CAMKMT: variants seen among roughly 807,000 people sequenced by gnomAD.
CAMKMT encodes the protein CaM KMT.
A neutral mutation model predicts 48.0 loss-of-function variants in CAMKMT; 53 were observed. The observed-to-expected ratio is 1.10, with a 90% CI of 0.89 to 1.39. The LOEUF is 1.39. Among genes scored for constraint, CAMKMT ranks in the 40% most tolerant of loss-of-function variants. The pLI is 0.00. For synonymous variants in CAMKMT, 165 were observed against 152.3 expected (o/e 1.08, Z -0.61); for missense variants, 428 against 402.7 (o/e 1.06, Z -0.54).
At chr2:44,516,512 A>G (rs1362003788) in intron 3 of CAMKMT, among the ~76,000 whole-genome samples, 2 of 152,022 alleles carry the variant, frequency 1.3e-5, no homozygotes, top group African/African-American at 4.8e-5. Context: ...CTCTCTAAAT[A>G]TATTTAGGAT....
At chr2:44,399,734 A>T (rs895175391) in intron 3 of CAMKMT, among the ~76,000 whole-genome samples, 1 of 152,108 alleles carries the variant, frequency 6.6e-6, no homozygotes, top group East Asian at 1.9e-4. Flanking sequence ...AGAATTGAGG[A>T]AGACGGCTGT....
chr2:44,604,628 T>C (rs1043131722), intron 3 of CAMKMT, among the ~76,000 whole-genome samples: 20 of 150,496 alleles, frequency 1.3e-4, no homozygotes, highest in East Asian at 1.9e-4. Flanking sequence ...CATAGTAAAA[T>C]AGTTACAATG....
chr2:44,433,505 A>G (rs904074460), intron 3 of CAMKMT, among the ~76,000 whole-genome samples: 1 of 152,202 alleles, frequency 6.6e-6, no homozygotes, highest in African/African-American at 2.4e-5. Context: ...GTTTCTTATA[A>G]GAAAAATGGA....
At chr2:44,771,711 A>G (rs1225779079) in intron 10 of CAMKMT, among the ~76,000 whole-genome samples, 1 of 152,142 alleles carries the variant, frequency 6.6e-6, no homozygotes, top group African/African-American at 2.4e-5. Context: ...AGAAACTTCT[A>G]TGTCAAATGC....
chr2:44,686,921 C>G (rs1676369930), intron 3 of CAMKMT, among the ~76,000 whole-genome samples: 1 of 152,208 alleles, frequency 6.6e-6, no homozygotes, highest in Non-Finnish European at 1.5e-5. Context: ...CCAAAACATA[C>G]TGTATCACAT....
chr2:44,468,622 A>G (rs1668252731), intron 3 of CAMKMT, among the ~76,000 whole-genome samples: 1 of 152,180 alleles, frequency 6.6e-6, no homozygotes, highest in Non-Finnish European at 1.5e-5. Context: ...AGATGGATAG[A>G]TAAAGAAAAT....
chr2:44,542,725 T>C (rs1394880340), intron 3 of CAMKMT, among the ~76,000 whole-genome samples: 2 of 152,082 alleles, frequency 1.3e-5, no homozygotes, highest in African/African-American at 4.8e-5. Context: ...AGAACCACTG[T>C]CAGGCCTAGA....
At chr2:44,601,485 TAATA>T (rs989394641) in intron 3 of CAMKMT, among the ~76,000 whole-genome samples, 1 of 151,756 alleles carries the variant, frequency 6.6e-6, no homozygotes. Context: ...AATAAATAAA[TAATA>T]AATAACAAAA....
At chr2:44,740,460 A>C (rs146874744) in intron 7 of CAMKMT, among the ~76,000 whole-genome samples, 17 of 152,288 alleles carry the variant, frequency 1.1e-4, no homozygotes, top group African/African-American at 3.6e-4. Flanking sequence ...GTAAAGCAAG[A>C]AGCAGGGTCA....
chr2:44,736,414 C>T (rs1219298609), intron 7 of CAMKMT, among the ~76,000 whole-genome samples: 1 of 152,126 alleles, frequency 6.6e-6, no homozygotes, highest in Non-Finnish European at 1.5e-5. Flanking sequence ...TTATATAAAA[C>T]ATCTTTTTCC....
chr2:44,363,801 C>G (rs941447908), intron 1 of CAMKMT, among the ~76,000 whole-genome samples: 22 of 151,452 alleles, frequency 1.5e-4, no homozygotes, highest in African/African-American at 4.4e-4. Context: ...GCAATTCTCC[C>G]GTACTCAGCC....
At chr2:44,514,617 T>C (rs72879358) in intron 3 of CAMKMT, among the ~76,000 whole-genome samples, 2,150 of 152,300 alleles carry the variant, frequency 0.014, 37 homozygotes, top group African/African-American at 0.043. Flanking sequence ...GGAAGAACTA[T>C]TGAGATTGTA....
chr2:44,459,343 CA>C (rs1479027191), intron 3 of CAMKMT, among the ~76,000 whole-genome samples: 3 of 152,160 alleles, frequency 2.0e-5, no homozygotes, highest in Non-Finnish European at 4.4e-5. Context: ...GGTTTATACA[CA>C]CATTAAATCC....
At chr2:44,563,719 C>T (rs1031710512) in intron 3 of CAMKMT, among the ~76,000 whole-genome samples, 5 of 151,946 alleles carry the variant, frequency 3.3e-5, no homozygotes, top group African/African-American at 4.8e-5. Flanking sequence ...TGAGAACATG[C>T]GGTGTTTGGT....
intron 3 of CAMKMT, among the ~76,000 whole-genome samples, chr2:44,686,390 C>G (rs1341043941): frequency 8.2e-6 from 1 of 121,790 alleles, no homozygotes; most frequent in Non-Finnish European, 1.7e-5. Flanking sequence ...GAGACTCTGC[C>G]TCAAAAAAAA....
intron 3 of CAMKMT, among the ~76,000 whole-genome samples, chr2:44,449,558 G>A (rs1297662077): frequency 2.0e-5 from 3 of 151,816 alleles, no homozygotes; most frequent in Non-Finnish European, 4.4e-5. Context: ...CTTTTATCAT[G>A]TCATATCATA....
At position 44,632,546 on chromosome 2, in the gene CAMKMT, C is replaced by T. The variant is rs1246381910; in HGVS notation, c.377-71737C>T. The stretch of plus-strand genomic sequence containing the variant: ...AGTCACTTTTTTTGTGTGACAAGAG[C>T]AACTAAAATCCTACATATCTAACAA... On this transcript the variant is annotated intron_variant, in intron 3 of 10. Transcript: ENST00000378494. 4.6e-5 allele frequency among the ~76,000 whole-genome samples: 7 copies of T among 152,084 alleles called. No homozygotes were observed. In the East Asian group the frequency reaches 1.3e-3, roughly 29 times the overall value.
chr2:44,581,163 T>A (rs931290263), intron 3 of CAMKMT, among the ~76,000 whole-genome samples: 3 of 152,212 alleles, frequency 2.0e-5, no homozygotes, highest in African/African-American at 7.2e-5. Context: ...GGAGAAATTT[T>A]CAAAGATTAC....
chr2:44,478,926 C>G (rs1433875201), intron 3 of CAMKMT, among the ~76,000 whole-genome samples: 18 of 152,140 alleles, frequency 1.2e-4, no homozygotes, highest in Admixed American at 1.1e-3. Context: ...GTCTCGATCT[C>G]CTGACCTCGT....
Sources: allele counts gnomAD v4.1 joint callset (sites outside exome capture counted in the v4.1 genomes callset), GRCh38; gene constraint gnomAD v4.1.1; transcripts MANE v1.5; gene names NCBI Gene and HGNC (gene_info 2026-07-23, HGNC 2026-07-21).